The following CYP4V2 variants were observed in gnomAD, a reference collection of about 807,000 sequenced individuals.
The protein encoded by CYP4V2 is cytochrome P450 4V2.
In CYP4V2, 55 loss-of-function variants were observed where a neutral mutation model predicts 60.8. That is an observed-to-expected ratio of 0.90 (90% CI 0.73 to 1.13). The LOEUF (loss-of-function observed/expected upper bound fraction) is 1.13. CYP4V2 is among the 50% of genes most tolerant of loss of function. The pLI is 0.00. For missense variants in CYP4V2, 675 were observed against 662.9 expected (o/e 1.02, Z -0.20); for synonymous variants, 239 against 236.8 (o/e 1.01, Z -0.08).
At chr4:186,198,677 G>T (rs572698018) in intron 5 of CYP4V2, among the ~76,000 whole-genome samples, 2 of 152,248 alleles carry the variant, frequency 1.3e-5, no homozygotes, top group South Asian at 4.2e-4. Context: ...TGGGAAACTT[G>T]CCCTGGAGAA....
At position 186,197,553 on chromosome 4, in the gene CYP4V2, A is replaced by G; in HGVS notation, c.625A>G (p.Ile209Val). ...TATAGAAACAGCTATGGGGAAGAAT[A>G]TTGGTGCTCAAAGTAATGATGATTC... ...IICETAMGKN[I>V]GAQSNDDSEY... The change falls in exon 5 of 11, where the codon ATT becomes GTT. Residue 209 changes from isoleucine to valine, a missense_variant. Physicochemically the swap from Ile to Val is conservative, Grantham distance 29 (BLOSUM62 3). Transcript: ENST00000378802. The G allele has an allele frequency of 6.2e-7, 1 of 1,614,236 alleles. No homozygotes were observed. Among genetic ancestry groups the G allele is most frequent in the Non-Finnish European group, 8.5e-7 (1 of 1,180,042 alleles).
At chr4:186,197,335 G>A (rs2126585417) in intron 4 of CYP4V2, 198 bp from the exon 5 acceptor site, 6 of 833,684 alleles carry the variant, frequency 7.2e-6, no homozygotes, top group Middle Eastern at 2.4e-4. Context: ...AACTGCCCAG[G>A]GAGGCGAAGG....
intron 8 of CYP4V2, among the ~76,000 whole-genome samples, chr4:186,207,667 A>G (rs1736566097): frequency 6.6e-6 from 1 of 150,872 alleles, no homozygotes; most frequent in African/African-American, 2.4e-5. Context: ...AAAATCTACC[A>G]TTTTAAAATG....
intron 3 of CYP4V2, 145 bp downstream of exon 3, chr4:186,196,233 C>G: frequency 2.6e-6 from 2 of 780,488 alleles, no homozygotes; most frequent in Middle Eastern, 2.3e-4. Flanking sequence ...AAAGGAAGGT[C>G]CAGCTGGCAG....
chr4:186,201,084 T>C, intron 6 of CYP4V2, 73 bp from the exon 7 acceptor site: 1 of 1,440,330 alleles, frequency 6.9e-7, no homozygotes, highest in South Asian at 1.2e-5. Flanking sequence ...TAGCATATTT[T>C]ATAAGAAAAT....
intron 8 of CYP4V2, among the ~76,000 whole-genome samples, chr4:186,207,758 C>G (rs55975907): frequency 6.6e-6 from 1 of 151,872 alleles, no homozygotes; most frequent in Non-Finnish European, 1.5e-5. Context: ...TTCAGCACCT[C>G]GAAAGGAAAC....
At chr4:186,193,098 G>A (rs72646239) in intron 1 of CYP4V2, among the ~76,000 whole-genome samples, 6,704 of 151,538 alleles carry the variant, frequency 0.044, 373 homozygotes, top group African/African-American at 0.13. Flanking sequence ...CATCATGACT[G>A]ATGTAACAAG....
Position 186,191,942 on chromosome 4 carries a change from A to T in CYP4V2, c.119A>T (p.Tyr40Phe), listed in dbSNP as rs1735997487. The change falls in exon 1 of 11, where the codon TAC (tyrosine) becomes TTC (phenylalanine). Residue 40 changes from tyrosine to phenylalanine, a missense_variant. Physicochemically the swap from Tyr to Phe is conservative, Grantham distance 22. Transcript: ENST00000378802. Reference sequence around the variant, plus strand: ...AGCCTGCTGCAGAGGGTGGCGAGCTACGCGCGGAAATGGCAGCAGATGCGG... The same window carrying T: ...AGCCTGCTGCAGAGGGTGGCGAGCTTCGCGCGGAAATGGCAGCAGATGCGG... Reference protein sequence around the residue: ...VLSLLQRVASYARKWQQMRPI... With the variant: ...VLSLLQRVASFARKWQQMRPI... 4 of 1,591,352 alleles carry T rather than the reference A, an allele frequency of 2.5e-6. 1 individual carries two copies. The East Asian group carries it at 9.1e-5, about 36-fold the overall frequency.
At chr4:186,210,381 G>T in intron 10 of CYP4V2, 88 bp from the exon 11 acceptor site, 3 of 1,559,274 alleles carry the variant, frequency 1.9e-6, no homozygotes, top group Non-Finnish European at 2.6e-6. Context: ...AAAATGTAAA[G>T]TGGCTCGCTT....
intron 10 of CYP4V2, among the ~76,000 whole-genome samples, chr4:186,210,247 G>C (rs540112377): frequency 6.6e-6 from 1 of 152,276 alleles, no homozygotes; most frequent in Admixed American, 6.5e-5. Flanking sequence ...GGATCAGCTG[G>C]AGTACAAATT....
chr4:186,211,575 G>A lies in CYP4V2; in HGVS notation c.*934G>A, dbSNP rs1444185380. The A allele has an allele frequency of 6.6e-6, 1 of 152,076 alleles. No homozygotes were observed. Among genetic ancestry groups the A allele is most frequent in the Non-Finnish European group, 1.5e-5 (1 of 68,152 alleles). 9.4% of individuals were successfully genotyped at this position (152,076 alleles called of 1,614,324 possible). A position where few individuals can be genotyped will look rare whatever the true frequency, so the allele number is the denominator to read the frequency against. ...GATCTGCCTGCCTCGGCCTCCCAAA[G>A]TGCTGGCATTACAGGCATGAGCCAC... is the stretch of plus-strand genomic sequence containing the variant. On this transcript the variant is annotated 3_prime_UTR_variant, in exon 11 of 11. Coordinates refer to ENST00000378802, the MANE Select transcript of CYP4V2 (RefSeq NM_207352.4).
chr4:186,193,131 TCA>T (rs34323170), intron 1 of CYP4V2, among the ~76,000 whole-genome samples: 44,112 of 151,912 alleles, frequency 0.29, 7,125 homozygotes, highest in East Asian at 0.49. Flanking sequence ...GATATGAAAA[TCA>T]CACTGGTAAA....
chr4:186,209,218 G>A lies in CYP4V2; in HGVS notation c.1351G>A (p.Gly451Arg), dbSNP rs760354010. Residue 451 changes from glycine to arginine, a missense_variant, in exon 10 of 11, where the codon GGG becomes AGG. Coordinates refer to ENST00000378802, the MANE Select transcript of CYP4V2 (RefSeq NM_207352.4). ...GCGGTTCTTCCCCGAGAATGCACAA[G>A]GGCGCCATCCATATGCCTACGTGCC... ...PERFFPENAQ[G>R]RHPYAYVPFS... 1 of 1,613,852 alleles carries A rather than the reference G, an allele frequency of 6.2e-7. No homozygotes were observed. The highest frequency in any genetic ancestry group is 1.3e-5 in the African/African-American group (1 of 74,838).
At chr4:186,209,719 C>T (rs952886544) in intron 10 of CYP4V2, among the ~76,000 whole-genome samples, 1 of 152,184 alleles carries the variant, frequency 6.6e-6, no homozygotes, top group Non-Finnish European at 1.5e-5. Flanking sequence ...AATGACCTCA[C>T]TTATACTTAC....
chr4:186,207,414 A>AAAAG (rs1434945125), intron 8 of CYP4V2, among the ~76,000 whole-genome samples: 3 of 144,626 alleles, frequency 2.1e-5, no homozygotes, highest in Non-Finnish European at 4.5e-5. Context: ...TCTGTCTCCA[A>AAAAG]AAAAAAAAAA....
In CYP4V2 at chr4:186,209,113, G is replaced by A. The variant is rs780515755; in HGVS notation, c.1246G>A (p.Gly416Ser). The A allele has an allele frequency of 3.7e-6, 6 of 1,614,126 alleles. No homozygotes were observed. The highest frequency in any genetic ancestry group is 5.1e-6 in the Non-Finnish European group (6 of 1,180,014). ...GACAGCAGGTTACAGAGTTCTAAAA[G>A]GCACTGAAGCCGTCATCATTCCCTA... ...CEVAGYRVLK[G>S]TEAVIIPYAL... The change falls in exon 10 of 11, where the codon GGC (glycine) becomes AGC (serine). Residue 416 changes from glycine to serine, a missense_variant. Physicochemically the swap from Gly to Ser is moderately conservative, Grantham distance 56 (BLOSUM62 0). Transcript: ENST00000378802.
chr4:186,209,668 C>T (rs577467194), intron 10 of CYP4V2, among the ~76,000 whole-genome samples: 1 of 152,220 alleles, frequency 6.6e-6, no homozygotes, highest in Admixed American at 6.5e-5. Context: ...GGGTCTGTGT[C>T]CTGATCTTCT....
chr4:186,194,365 C>A (rs1561430729), intron 1 of CYP4V2, 135 bp from the exon 2 acceptor site: 3 of 766,576 alleles, frequency 3.9e-6, no homozygotes, highest in Admixed American at 4.1e-5. Flanking sequence ...CACACATGCT[C>A]TCTACCTGGC....
chr4:186,207,894 T>C (rs951223097), intron 8 of CYP4V2, among the ~76,000 whole-genome samples: 2 of 152,262 alleles, frequency 1.3e-5, no homozygotes, highest in Non-Finnish European at 2.9e-5. Context: ...GTACAATATG[T>C]GACCTTTAGT....
Sources: allele counts gnomAD v4.1 joint callset (sites outside exome capture counted in the v4.1 genomes callset), GRCh38; gene constraint gnomAD v4.1.1; transcripts MANE v1.5; gene names NCBI Gene and HGNC (gene_info 2026-07-23, HGNC 2026-07-21).